The following MRPS27 variants were observed in gnomAD, a reference collection of about 807,000 sequenced individuals.
MRPS27 encodes mitochondrial ribosomal protein S27, also known as small ribosomal subunit protein mS27.
A neutral mutation model predicts 48.9 loss-of-function variants in MRPS27; 43 were observed. The ratio of observed to expected loss-of-function variants is 0.88; its 90% CI spans 0.69 to 1.13. The LOEUF (loss-of-function observed/expected upper bound fraction) is 1.13, where lower values mean the gene tolerates loss of function less well. Ranked by LOEUF, MRPS27 falls within the 50% of genes most tolerant of loss-of-function variation. MRPS27 has a pLI of 0.00. For missense variants in MRPS27, 467 were observed against 476.3 expected (o/e 0.98, Z 0.18); for synonymous variants, 188 against 171.9 (o/e 1.09, Z -0.73).
intron 2 of MRPS27, among the ~76,000 whole-genome samples, chr5:72,299,225 T>G (rs1455144599): frequency 6.6e-6 from 1 of 150,946 alleles, no homozygotes; most frequent in African/African-American, 2.4e-5. Context: ...AATATACCCA[T>G]GTAACAAACC....
At chr5:72,227,455 G>C (rs933177763) in intron 8 of MRPS27, 7 of 152,006 alleles carry the variant, frequency 4.6e-5, no homozygotes, top group African/African-American at 1.7e-4. Context: ...ACATTCTGTT[G>C]GCAAAGATCA....
rs1747694417 is a variant in MRPS27 at position 72,219,934 on chromosome 5, A to G, written c.*975T>C. 1 of 152,696 alleles carries G rather than the reference A, an allele frequency of 6.5e-6. No individual in the cohort carries two copies. The highest frequency in any genetic ancestry group is 1.5e-5 in the Non-Finnish European group (1 of 68,046). The allele number at this position is 152,696 out of a possible 1,614,324, so 9.5% of individuals were successfully genotyped here. On this transcript the variant is annotated 3_prime_UTR_variant, in exon 11 of 11. Coordinates refer to ENST00000261413, the MANE Select transcript of MRPS27 (RefSeq NM_015084.3). ...AGCCAATCCAAAAAAGCTTCATGCTAGAGCTAGCTTTCTCCTCAGAAACTT... is the reference window on the plus strand; with the variant it reads ...AGCCAATCCAAAAAAGCTTCATGCTGGAGCTAGCTTTCTCCTCAGAAACTT...
Position 72,220,120 on chromosome 5 carries a change from C to T in MRPS27, c.*789G>A, listed in dbSNP as rs1283647264. On this transcript the variant is annotated 3_prime_UTR_variant, in exon 11 of 11. Transcript: ENST00000261413. Reference sequence around the variant, plus strand: ...ATGTGTGAGTATCCCACAGCCAGCTCACAGTGCAGCTTGCACTCAGAAAGG... The same window carrying T: ...ATGTGTGAGTATCCCACAGCCAGCTTACAGTGCAGCTTGCACTCAGAAAGG... 1 of 152,798 alleles carries T rather than the reference C, an allele frequency of 6.5e-6. No homozygotes were observed. The highest frequency in any genetic ancestry group is 1.9e-4 in the East Asian group (1 of 5,206). The allele number at this position is 152,798 out of a possible 1,614,324, so 9.5% of individuals were successfully genotyped here.
chr5:72,226,097 A>G lies in MRPS27; in HGVS notation c.797T>C (p.Val266Ala), dbSNP rs1456878777. The G allele has an allele frequency of 1.2e-5, 20 of 1,613,678 alleles. No homozygotes were observed. The highest frequency in any genetic ancestry group is 3.3e-5 in the Admixed American group (2 of 59,966). Residue 266 changes from valine to alanine, a missense_variant, in exon 9 of 11, where the codon GTG becomes GCG. Physicochemically the swap from Val to Ala is moderately conservative, Grantham distance 64. Coordinates refer to ENST00000261413, the MANE Select transcript of MRPS27 (RefSeq NM_015084.3). Reference protein sequence around the residue: ...LDRALQVMEKVAASPEDIKLC... With the variant: ...LDRALQVMEKAAASPEDIKLC... The stretch of plus-strand genomic sequence containing the variant: ...CTTTATGTCTTCTGGGGAGGCAGCC[A>G]CTTTCTCCATCACTTGAAGGGCTCT...
At chr5:72,279,167 T>A (rs1463824464) in intron 4 of MRPS27, among the ~76,000 whole-genome samples, 1 of 152,244 alleles carries the variant, frequency 6.6e-6, no homozygotes, top group African/African-American at 2.4e-5. Context: ...GTCTTATTTT[T>A]GCATCTAATA....
At chr5:72,256,757 C>G (rs1296793627) in intron 4 of MRPS27, among the ~76,000 whole-genome samples, 2 of 152,168 alleles carry the variant, frequency 1.3e-5, no homozygotes, top group African/African-American at 2.4e-5. Flanking sequence ...AACAATAGGT[C>G]TGTTATTTTC....
At chr5:72,243,891 A>T (rs1402238108) in intron 4 of MRPS27, among the ~76,000 whole-genome samples, 2 of 152,238 alleles carry the variant, frequency 1.3e-5, no homozygotes, top group South Asian at 2.1e-4. Context: ...TTGCATAATC[A>T]TGACCACAAT....
At chr5:72,263,377 T>C (rs1385191717) in intron 4 of MRPS27, among the ~76,000 whole-genome samples, 3 of 151,976 alleles carry the variant, frequency 2.0e-5, no homozygotes, top group African/African-American at 7.3e-5. Flanking sequence ...AATGGATTTT[T>C]AGATATGACA....
At chr5:72,235,022 T>C (rs1191475272) in intron 5 of MRPS27, among the ~76,000 whole-genome samples, 1 of 152,118 alleles carries the variant, frequency 6.6e-6, no homozygotes, top group Admixed American at 6.6e-5. Flanking sequence ...CCAAACTATA[T>C]CCATATCCCC....
chr5:72,282,885 T>C (rs1749567520), intron 4 of MRPS27, among the ~76,000 whole-genome samples: 1 of 152,224 alleles, frequency 6.6e-6, no homozygotes, highest in East Asian at 1.9e-4. Flanking sequence ...CTTTCTGTTG[T>C]TTACTTTTAC....
chr5:72,228,180 A>C, intron 8 of MRPS27, 86 bp downstream of exon 8: 1 of 1,229,242 alleles, frequency 8.1e-7, no homozygotes, highest in East Asian at 2.4e-5. Flanking sequence ...GGTAAATTTA[A>C]ATCAAATTAC....
intron 4 of MRPS27, among the ~76,000 whole-genome samples, chr5:72,276,220 T>C (rs1342768387): frequency 2.0e-5 from 3 of 151,988 alleles, no homozygotes; most frequent in Admixed American, 1.3e-4. Flanking sequence ...AACAGACACA[T>C]AGACCAATGG....
At chr5:72,232,283 T>A (rs3213894) in intron 7 of MRPS27, among the ~76,000 whole-genome samples, 160 bp downstream of exon 7, 2 of 152,038 alleles carry the variant, frequency 1.3e-5, no homozygotes, top group Non-Finnish European at 2.9e-5. Flanking sequence ...AACCTCCAAT[T>A]CCATTTGTTA....
chr5:72,231,540 T>G (rs1348356172), intron 7 of MRPS27, among the ~76,000 whole-genome samples: 2 of 152,196 alleles, frequency 1.3e-5, no homozygotes, highest in Admixed American at 1.3e-4. Context: ...TGCTCACCAG[T>G]ACATAACTAG....
chr5:72,311,396 T>A (rs1413805163), intron 2 of MRPS27, among the ~76,000 whole-genome samples: 1 of 152,138 alleles, frequency 6.6e-6, no homozygotes, highest in African/African-American at 2.4e-5. Flanking sequence ...TGAGTAAAAG[T>A]AGCGCTGTGG....
At chr5:72,286,987 C>T (rs1188297065) in intron 4 of MRPS27, among the ~76,000 whole-genome samples, 3 of 152,094 alleles carry the variant, frequency 2.0e-5, no homozygotes, top group Admixed American at 2.0e-4. Flanking sequence ...TGGATTGGTA[C>T]CAGTCTGTTA....
chr5:72,271,600 T>C (rs1381808994), intron 4 of MRPS27, among the ~76,000 whole-genome samples: 1 of 152,198 alleles, frequency 6.6e-6, no homozygotes, highest in African/African-American at 2.4e-5. Context: ...GTTTGGATCT[T>C]AGACTAAGAA....
chr5:72,231,849 C>A (rs561634293), intron 7 of MRPS27, among the ~76,000 whole-genome samples: 1 of 152,228 alleles, frequency 6.6e-6, no homozygotes, highest in Admixed American at 6.5e-5. Context: ...GCCCCAGTCT[C>A]CTTATCTGCC....
intron 4 of MRPS27, among the ~76,000 whole-genome samples, chr5:72,267,422 C>T (rs1328354379): frequency 2.7e-5 from 4 of 150,840 alleles, no homozygotes; most frequent in East Asian, 3.9e-4. Context: ...AAATATGATA[C>T]TCTAAGTTCA....
Sources: allele counts gnomAD v4.1 joint callset (sites outside exome capture counted in the v4.1 genomes callset), GRCh38; gene constraint gnomAD v4.1.1; transcripts MANE v1.5; gene names NCBI Gene and HGNC (gene_info 2026-07-23, HGNC 2026-07-21).